Variants in FBXW10B observed in about 807,000 individuals in gnomAD.
FBXW10B encodes F-box and WD repeat domain containing 10B, also known as F-box and WD repeat domain containing protein 10B.
At chr17:15,570,174 G>A in the FBXW10B span, among the ~76,000 whole-genome samples, 1 of 152,172 alleles carries the variant, frequency 6.6e-6, no homozygotes, top group East Asian at 1.9e-4. Context: ...TCCTAGGTGG[G>A]AGAAATACAG....
the FBXW10B span, among the ~76,000 whole-genome samples, chr17:15,601,282 G>A: frequency 2.0e-5 from 3 of 148,778 alleles, no homozygotes; most frequent in Non-Finnish European, 3.0e-5. Context: ...GGTGGTGGGC[G>A]CCTGTAGTCC....
chr17:15,570,766 T>C, the FBXW10B span, among the ~76,000 whole-genome samples: 1 of 152,208 alleles, frequency 6.6e-6, no homozygotes, highest in Non-Finnish European at 1.5e-5. Flanking sequence ...TATTCCAAAA[T>C]CAGCTGTGGA....
chr17:15,609,704 T>C, the FBXW10B span, among the ~76,000 whole-genome samples: 1 of 152,144 alleles, frequency 6.6e-6, no homozygotes, highest in African/African-American at 2.4e-5. Flanking sequence ...CAGTTTATAC[T>C]CATGCTATTA....
At chr17:15,611,814 G>C in the FBXW10B span, among the ~76,000 whole-genome samples, 1 of 152,174 alleles carries the variant, frequency 6.6e-6, no homozygotes, top group Non-Finnish European at 1.5e-5. Flanking sequence ...ACCATGCCTT[G>C]ATAGTCAAAG....
the FBXW10B span, among the ~76,000 whole-genome samples, chr17:15,567,217 A>G: frequency 6.6e-6 from 1 of 151,222 alleles, no homozygotes; most frequent in Non-Finnish European, 1.5e-5. Context: ...GGTTGCAGTG[A>G]GCCGAGATCA....
the FBXW10B span, among the ~76,000 whole-genome samples, chr17:15,578,686 G>T: frequency 1.3e-5 from 2 of 152,046 alleles, no homozygotes. Flanking sequence ...TAAGAGATTG[G>T]ACTACAATGC....
At chr17:15,604,438 A>G in the FBXW10B span, among the ~76,000 whole-genome samples, 1 of 152,312 alleles carries the variant, frequency 6.6e-6, no homozygotes, top group South Asian at 2.1e-4. Flanking sequence ...AGAGAAGGGC[A>G]CAGTGGGAGG....
chr17:15,614,795 C>G, the FBXW10B span, among the ~76,000 whole-genome samples: 5 of 152,116 alleles, frequency 3.3e-5, no homozygotes, highest in Admixed American at 3.3e-4. Context: ...CCTTGTATTT[C>G]CTACGATATT....
the FBXW10B span, among the ~76,000 whole-genome samples, chr17:15,585,594 A>T: frequency 6.6e-6 from 1 of 152,248 alleles, no homozygotes; most frequent in Non-Finnish European, 1.5e-5. Context: ...ATGATTTCCC[A>T]TCCAAATGCT....
the FBXW10B span, among the ~76,000 whole-genome samples, chr17:15,606,374 G>A: frequency 6.8e-6 from 1 of 146,282 alleles, no homozygotes; most frequent in Non-Finnish European, 1.5e-5. Flanking sequence ...AAAAAATTCA[G>A]AAATTAGCCA....
At chr17:15,597,716 G>A in the FBXW10B span, among the ~76,000 whole-genome samples, 1 of 152,122 alleles carries the variant, frequency 6.6e-6, no homozygotes, top group South Asian at 2.1e-4. Context: ...TCCTTCAAAG[G>A]TGCTCCCCAA....
the FBXW10B span, among the ~76,000 whole-genome samples, chr17:15,592,251 G>C: frequency 7.3e-6 from 1 of 137,826 alleles, no homozygotes; most frequent in African/African-American, 2.7e-5. Flanking sequence ...CAAGCCGAAA[G>C]AAAAACACCT....
At chr17:15,614,112 A>C in the FBXW10B span, 3 of 1,490,470 alleles carry the variant, frequency 2.0e-6, no homozygotes, top group South Asian at 3.6e-5. Context: ...CCCCACCAAA[A>C]GCTCTCCCAC....
chr17:15,585,573 G>C, the FBXW10B span, among the ~76,000 whole-genome samples: 2 of 152,258 alleles, frequency 1.3e-5, no homozygotes, highest in Admixed American at 1.3e-4. Flanking sequence ...GGACTGTGAA[G>C]TGGATGCCTA....
At chr17:15,566,059 T>A in the FBXW10B span, 1 of 1,607,574 alleles carries the variant, frequency 6.2e-7, no homozygotes, top group East Asian at 2.2e-5. Flanking sequence ...TCGTTTCACA[T>A]CTATAGGAGG....
chr17:15,582,490 TTC>T, the FBXW10B span, among the ~76,000 whole-genome samples: 2 of 152,116 alleles, frequency 1.3e-5, no homozygotes, highest in African/African-American at 2.4e-5. Context: ...AATTGATATA[TTC>T]TCTCTTTATT....
the FBXW10B span, chr17:15,598,567 C>T: frequency 9.3e-6 from 15 of 1,613,576 alleles, no homozygotes; most frequent in South Asian, 1.5e-4. Flanking sequence ...AGATACGAGC[C>T]TGTTCTTACA....
chr17:15,596,226 C>A, the FBXW10B span, among the ~76,000 whole-genome samples: 1 of 151,956 alleles, frequency 6.6e-6, no homozygotes, highest in African/African-American at 2.4e-5. Flanking sequence ...AGGTACTTCA[C>A]CTCCACTGCT....
chr17:15,613,648 G>C, the FBXW10B span: 1 of 1,592,642 alleles, frequency 6.3e-7, no homozygotes, highest in Non-Finnish European at 8.5e-7. Flanking sequence ...GAATGAAGCC[G>C]TGCGCTGACA....
Sources: allele counts gnomAD v4.1 joint callset (sites outside exome capture counted in the v4.1 genomes callset), GRCh38; gene constraint gnomAD v4.1.1; transcripts MANE v1.5; gene names NCBI Gene and HGNC (gene_info 2026-07-23, HGNC 2026-07-21).